The following SLC11A2 variants were observed in gnomAD, a reference collection of about 807,000 sequenced individuals.
SLC11A2 encodes the protein solute carrier family 11 member 2.
Under a neutral mutation model 68.0 loss-of-function variants are expected in SLC11A2, and 38 were observed. The observed-to-expected ratio is 0.56, with a 90% confidence interval of 0.43 to 0.73. The LOEUF is 0.73. Ranked by LOEUF, SLC11A2 falls within the 30% of genes least tolerant of loss-of-function variation. The pLI, the probability that SLC11A2 is intolerant of heterozygous loss-of-function variation, is 0.00. For missense variants in SLC11A2, 517 were observed against 690.5 expected, an observed-to-expected ratio of 0.75 and a Z score of 2.82; for synonymous variants, 242 against 250.6, an observed-to-expected ratio of 0.97 and a Z score of 0.32.
intron 14 of SLC11A2, 88 bp downstream of exon 14, chr12:50,991,511 T>C: frequency 2.0e-6 from 2 of 1,000,932 alleles, no homozygotes; most frequent in Non-Finnish European, 3.2e-6. Context: ...CGCTTCCCTC[T>C]GTGTCTCACG....
At chr12:51,013,870 GGA>G (rs1479016379) in intron 1 of SLC11A2, among the ~76,000 whole-genome samples, 1 of 151,986 alleles carries the variant, frequency 6.6e-6, no homozygotes, top group African/African-American at 2.4e-5. Context: ...CACTCAGGCT[GGA>G]GTGTAGTGGT....
At chr12:50,966,309 G>A in the SLC11A2 span, among the ~76,000 whole-genome samples, 1 of 152,160 alleles carries the variant, frequency 6.6e-6, no homozygotes, top group Non-Finnish European at 1.5e-5. Context: ...TTTAGGGAGT[G>A]GGTAAGCAGG....
rs121918366 is a variant in SLC11A2 at position 50,992,291 on chromosome 12, G to A, written c.1246C>T (p.Arg416Cys). ...WSRFARVVLT[R>C]SIAIIPTLLV... ...AGAGTGGGGATGATGGCAATAGAGC[G>A]AGTCAGAACCACTCGGGCAAAGCGT... The change falls in exon 13 of 16, where the codon CGC (arginine) becomes TGC (cysteine). Residue 416 changes from arginine to cysteine, a missense_variant. Physicochemically the swap from Arg to Cys is radical, Grantham distance 180. Coordinates refer to ENST00000262052, the MANE Select transcript of SLC11A2 (RefSeq NM_000617.3). 3 of 1,613,988 alleles carry A rather than the reference G, an allele frequency of 1.9e-6. No individual in the cohort carries two copies. The highest frequency in any genetic ancestry group is 2.5e-6 in the Non-Finnish European group (3 of 1,179,868).
intron 2 of SLC11A2, chr12:51,009,226 C>T: frequency 3.5e-6 from 5 of 1,420,212 alleles, no homozygotes; most frequent in Non-Finnish European, 4.6e-6. Flanking sequence ...AGCAAAACCA[C>T]CAAGCAGGAA....
Position 51,008,480 on chromosome 12 carries a change from T to G in SLC11A2, c.179A>C (p.Glu60Ala). 1.2e-6 allele frequency: 2 copies of G among 1,613,012 alleles called. No homozygotes were observed. Among genetic ancestry groups the G allele is most frequent in the Non-Finnish European group, 1.7e-6 (2 of 1,179,120 alleles). The change falls in exon 3 of 16, where the codon GAG (glutamate) becomes GCG (alanine). Residue 60 changes from glutamate (E) to alanine (A), a missense_variant. Transcript: ENST00000262052. The part of the protein sequence containing the change: ...YFNEKISIPE[E>A]EYSCFSFRKL... ...CTCCAAGGACCTGATACTAACCTCC[T>G]CCTCAGGAATGGAGATCTTCTCATT...
chr12:50,960,296 G>A, the SLC11A2 span, among the ~76,000 whole-genome samples: 1 of 152,178 alleles, frequency 6.6e-6, no homozygotes, highest in Non-Finnish European at 1.5e-5. Flanking sequence ...TTTGGTAACA[G>A]GAAGAGAAGA....
chr12:50,954,097 G>C, the SLC11A2 span: 1 of 1,566,404 alleles, frequency 6.4e-7, no homozygotes, highest in East Asian at 2.2e-5. Context: ...CTATAGGTAA[G>C]TACAAGCCTT....
downstream of SLC11A2, among the ~76,000 whole-genome samples, chr12:50,975,584 G>C (rs1939837570): frequency 6.6e-6 from 1 of 152,012 alleles, no homozygotes; most frequent in Non-Finnish European, 1.5e-5. Flanking sequence ...AAAAGAACTA[G>C]AGAAGCAAGA....
chr12:51,004,426 A>T (rs1942539526), intron 5 of SLC11A2, among the ~76,000 whole-genome samples: 1 of 152,224 alleles, frequency 6.6e-6, no homozygotes, highest in South Asian at 2.1e-4. Context: ...CAAAAAAAGA[A>T]CATATATAAA....
chr12:51,026,053 G>A (rs1944362547), intron 1 of SLC11A2: 1 of 1,099,088 alleles, frequency 9.1e-7, no homozygotes, highest in African/African-American at 1.7e-5. Flanking sequence ...CGGGGAAGGG[G>A]CGAGACCCCC....
Position 51,000,360 on chromosome 12 carries a change from T to C in SLC11A2, c.489A>G (p.Gln163=). Residue 163 remains glutamine, a synonymous_variant, in exon 6 of 16, where the codon CAA becomes CAG. Transcript: ENST00000262052. The part of the protein sequence containing the change: ...VELAIIGSDM[Q]EVIGSAIAIN... ...TAGCAATGGCTGAGCCAATGACTTCTTGCATGTCTGAGCCGATGATAGCCA... is the reference window on the plus strand; with the variant it reads ...TAGCAATGGCTGAGCCAATGACTTCCTGCATGTCTGAGCCGATGATAGCCA... The C allele has an allele frequency of 6.2e-7, 1 of 1,614,184 alleles. No homozygotes were observed. Among genetic ancestry groups the C allele is most frequent in the African/African-American group, 1.3e-5 (1 of 75,068 alleles).
downstream of SLC11A2, among the ~76,000 whole-genome samples, chr12:50,985,053 C>T (rs1436217051): frequency 2.0e-5 from 3 of 152,142 alleles, no homozygotes; most frequent in African/African-American, 4.8e-5. Context: ...TACATAGAGG[C>T]TGATCCTCTT....
the SLC11A2 span, among the ~76,000 whole-genome samples, chr12:50,961,254 C>T: frequency 6.6e-6 from 1 of 152,056 alleles, no homozygotes; most frequent in Non-Finnish European, 1.5e-5. Flanking sequence ...GAGGTTGTGG[C>T]CCAGTTGTGC....
chr12:50,980,780 G>A, downstream of SLC11A2: 1 of 152,202 alleles, frequency 6.6e-6, no homozygotes, highest in Non-Finnish European at 1.5e-5. Flanking sequence ...ATGTTAATGG[G>A]AATAGTGGGA....
Position 51,021,110 on chromosome 12 carries a change from A to G in SLC11A2, c.-39+5200T>C, listed in dbSNP as rs142111169. Among the ~76,000 whole-genome samples the G allele has an allele frequency of 4.9e-3, 752 of 152,296 alleles. 8 individuals carry two copies. The highest frequency in any genetic ancestry group is 0.018 in the African/African-American group (732 of 41,566). ...TGTCTAGAAGAAAAAGAGGGGGATT[A>G]TAATTGATATAACTAATCTAGAGGT... On this transcript the variant is annotated intron_variant, in intron 1 of 15. Coordinates refer to ENST00000262052, the MANE Select transcript of SLC11A2 (RefSeq NM_000617.3).
intron 5 of SLC11A2, among the ~76,000 whole-genome samples, chr12:51,002,638 CAAAA>C (rs755823057): frequency 2.8e-5 from 2 of 71,784 alleles, no homozygotes; most frequent in East Asian, 5.8e-4. Context: ...GACTTGGTCT[CAAAA>C]AAAAAAAAAA....
chr12:51,026,462 G>T (rs774063597), upstream of SLC11A2: 4 of 775,354 alleles, frequency 5.2e-6, no homozygotes, highest in South Asian at 1.5e-5. Context: ...TCCCTGCAGC[G>T]GCCGGGATGC....
At position 50,986,945 on chromosome 12, in the gene SLC11A2, G is replaced by A; in HGVS notation, c.*1380C>T. ...TCTGGAAGGAAAGCTCCAAAAATGA[G>A]AAGTCCTTCAACACCATTTTCCATT... On this transcript the variant is annotated 3_prime_UTR_variant, in exon 16 of 16. Coordinates refer to ENST00000262052, the MANE Select transcript of SLC11A2 (RefSeq NM_000617.3). The A allele has an allele frequency of 7.8e-7, 1 of 1,287,210 alleles. No individual in the cohort carries two copies. Among genetic ancestry groups the A allele is most frequent in the Non-Finnish European group, 1.0e-6 (1 of 988,690 alleles). 79.7% of individuals were successfully genotyped at this position (1,287,210 alleles called of 1,614,324 possible). A position where few individuals can be genotyped will look rare whatever the true frequency, so the allele number is the denominator to read the frequency against.
intron 14 of SLC11A2, among the ~76,000 whole-genome samples, chr12:50,991,300 A>T (rs1941124195): frequency 6.6e-6 from 1 of 152,224 alleles, no homozygotes; most frequent in African/African-American, 2.4e-5. Flanking sequence ...GTACTAACTT[A>T]TGCCTTTTTT....
Sources: allele counts gnomAD v4.1 joint callset (sites outside exome capture counted in the v4.1 genomes callset), GRCh38; gene constraint gnomAD v4.1.1; transcripts MANE v1.5; gene names NCBI Gene and HGNC (gene_info 2026-07-23, HGNC 2026-07-21).